MICAL2: variants seen among roughly 807,000 people sequenced by gnomAD.
MICAL2 encodes the protein [F-actin]-monooxygenase MICAL2.
A neutral mutation model predicts 127.3 loss-of-function variants in MICAL2; 77 were observed. The ratio of observed to expected loss-of-function variants is 0.60; its 90% CI spans 0.50 to 0.73. The LOEUF (loss-of-function observed/expected upper bound fraction) is 0.73, where lower values mean the gene tolerates loss of function less well. Ranked by LOEUF, MICAL2 falls within the 30% of genes least tolerant of loss-of-function variation. The pLI, the probability that MICAL2 is intolerant of heterozygous loss-of-function variation, is 0.00. For missense variants in MICAL2, 1,351 were observed against 1,434.4 expected, an observed-to-expected ratio of 0.94 and a Z score of 0.94; for synonymous variants, 570 against 551.1, an observed-to-expected ratio of 1.03 and a Z score of -0.48.
rs528680707 is a variant in MICAL2, at chr11:12,143,654, T to C, written c.-78+5194T>C. On this transcript the variant is annotated intron_variant, in intron 2 of 27. Transcript: ENST00000683283. The stretch of plus-strand genomic sequence containing the variant: ...TATTTAAAATGTCTCAGATTCCTCT[T>C]GCCAGATAAGCTGATAGCAAACACC... Among the ~76,000 whole-genome samples, 73 of 152,314 alleles carry C rather than the reference T, an allele frequency of 4.8e-4. 1 individual carries two copies. The South Asian group carries it at 0.015, about 31-fold the overall frequency.
intron 3 of MICAL2, among the ~76,000 whole-genome samples, chr11:12,196,763 C>G (rs1210418627): frequency 6.6e-6 from 1 of 152,180 alleles, no homozygotes; most frequent in East Asian, 1.9e-4. Flanking sequence ...ACTCTTCAGT[C>G]TGCCATCCAA....
At chr11:12,129,788 G>A (rs538572018) in intron 1 of MICAL2, among the ~76,000 whole-genome samples, 1 of 151,998 alleles carries the variant, frequency 6.6e-6, no homozygotes, top group South Asian at 2.1e-4. Context: ...GCTCACTGCA[G>A]CCTCAACCTC....
intron 33 of MICAL2, chr11:12,350,045 A>G: frequency 2.6e-6 from 2 of 777,038 alleles, no homozygotes; most frequent in Non-Finnish European, 4.3e-6. Flanking sequence ...TTGTGCATAC[A>G]GAATAGTGAT....
At chr11:12,246,063 T>G (rs1860698996) in intron 21 of MICAL2, among the ~76,000 whole-genome samples, 2 of 152,254 alleles carry the variant, frequency 1.3e-5, no homozygotes, top group South Asian at 4.1e-4. Flanking sequence ...CAGAAAAGTC[T>G]GGCGTGGTCA....
chr11:12,339,368 T>G (rs1938821776), intron 32 of MICAL2, among the ~76,000 whole-genome samples: 1 of 151,944 alleles, frequency 6.6e-6, no homozygotes, highest in African/African-American at 2.4e-5. Flanking sequence ...TTTTTCAAGG[T>G]TTTTAACTTT....
chr11:12,135,082 G>A (rs1277471264), intron 1 of MICAL2, among the ~76,000 whole-genome samples: 1 of 152,158 alleles, frequency 6.6e-6, no homozygotes, highest in Non-Finnish European at 1.5e-5. Flanking sequence ...TGGAGCATGT[G>A]CACACCCCAT....
At chr11:12,288,610 T>C (rs777593335), downstream of MICAL2, among the ~76,000 whole-genome samples, 6 of 152,046 alleles carry the variant, frequency 3.9e-5, no homozygotes, top group Non-Finnish European at 7.4e-5. Context: ...AGGGCTTGAG[T>C]TTTGATCATT....
intron 1 of MICAL2, among the ~76,000 whole-genome samples, chr11:12,118,858 TTTG>T (rs1257005137): frequency 6.6e-6 from 1 of 152,222 alleles, no homozygotes; most frequent in Non-Finnish European, 1.5e-5. Flanking sequence ...TGTCAGGGTT[TTTG>T]TTGTTGTTGT....
chr11:12,184,212 A>G (rs1857865972), intron 3 of MICAL2, among the ~76,000 whole-genome samples: 1 of 152,242 alleles, frequency 6.6e-6, no homozygotes, highest in Admixed American at 6.5e-5. Flanking sequence ...AAGCACTTAG[A>G]ACAGTGGCCG....
chr11:12,308,482 CATATT>C (rs1318895058), intron 29 of MICAL2, among the ~76,000 whole-genome samples: 1 of 152,144 alleles, frequency 6.6e-6, no homozygotes, highest in Non-Finnish European at 1.5e-5. Flanking sequence ...ATTTTTCACA[CATATT>C]AAATTTATCT....
chr11:12,260,230 C>G (rs1264029696), intron 26 of MICAL2: 3 of 1,446,882 alleles, frequency 2.1e-6, no homozygotes, highest in Non-Finnish European at 2.7e-6. Flanking sequence ...GATGGCAGTG[C>G]GTTTGCAGTT....
chr11:12,209,444 C>G, intron 5 of MICAL2, 53 bp from the exon 6 acceptor site: 5 of 1,418,922 alleles, frequency 3.5e-6, no homozygotes, highest in Non-Finnish European at 5.0e-6. Context: ...GGGGTATAAT[C>G]ATTCTCTTCC....
At chr11:12,313,735 T>C (rs1242681205) in intron 29 of MICAL2, among the ~76,000 whole-genome samples, 1 of 152,122 alleles carries the variant, frequency 6.6e-6, no homozygotes, top group Admixed American at 6.6e-5. Context: ...TGTCTGGTTT[T>C]TCTGTCACTT....
At chr11:12,212,842 A>G (rs916322650) in intron 6 of MICAL2, among the ~76,000 whole-genome samples, 4 of 152,186 alleles carry the variant, frequency 2.6e-5, no homozygotes, top group Non-Finnish European at 5.9e-5. Context: ...ATTCAATGTG[A>G]TCTACTTTTC....
At chr11:12,142,013 A>G (rs1208700034) in intron 2 of MICAL2, among the ~76,000 whole-genome samples, 2 of 152,238 alleles carry the variant, frequency 1.3e-5, no homozygotes, top group African/African-American at 4.8e-5. Context: ...GCCCAGAGAC[A>G]TGACTCAAGC....
At chr11:12,224,891 T>C in intron 13 of MICAL2, 71 bp downstream of exon 13, 1 of 1,508,702 alleles carries the variant, frequency 6.6e-7, no homozygotes, top group East Asian at 2.3e-5. Context: ...TGCAGAATCT[T>C]CATTACTTGG....
chr11:12,200,417 G>A (rs1860551767), intron 3 of MICAL2, among the ~76,000 whole-genome samples: 1 of 152,164 alleles, frequency 6.6e-6, no homozygotes, highest in South Asian at 2.1e-4. Flanking sequence ...TTCTACAGTG[G>A]GCATGCTGGG....
At chr11:12,262,813 T>G in intron 27 of MICAL2, 1 of 377,388 alleles carries the variant, frequency 2.6e-6, no homozygotes, top group East Asian at 4.5e-5. Flanking sequence ...GCGTGCATGC[T>G]TCTCCAGTTG....
chr11:12,171,421 G>T (rs1856239635), intron 3 of MICAL2, among the ~76,000 whole-genome samples: 1 of 152,188 alleles, frequency 6.6e-6, no homozygotes, highest in Non-Finnish European at 1.5e-5. Flanking sequence ...GCTCACTGGA[G>T]ACTCTTGTTC....
Sources: gnomAD v4.1 joint callset for allele counts (sites outside exome capture counted in the v4.1 genomes callset) on GRCh38, gnomAD v4.1.1 for gene constraint, MANE v1.5 for transcripts, NCBI Gene and HGNC (gene_info 2026-07-23, HGNC 2026-07-21) for gene names.